NOBOX: variants seen among roughly 807,000 people sequenced by gnomAD.
NOBOX encodes the protein NOBOX oogenesis homeobox, also known as homeobox protein NOBOX.
Under a neutral mutation model 60.2 loss-of-function variants are expected in NOBOX, and 46 were observed. That is an observed-to-expected ratio of 0.76 (90% CI 0.60 to 0.98). NOBOX has a LOEUF of 0.98. NOBOX is among the 50% of genes least tolerant of loss of function. The pLI is 0.00. For missense variants in NOBOX, 880 were observed against 865.5 expected (o/e 1.02, Z -0.21); for synonymous variants, 360 against 346.3 (o/e 1.04, Z -0.44).
At chr7:144,397,639 C>G (rs1260120421) in intron 9 of NOBOX, 98 bp from the exon 8 acceptor site, 1 of 1,070,470 alleles carries the variant, frequency 9.3e-7, no homozygotes, top group African/African-American at 1.6e-5. Context: ...CCCCAACACA[C>G]ATAGACGCAG....
At chr7:144,399,887 G>A (rs766058103) in intron 5 of NOBOX, 24 bp from the exon 4 acceptor site, 14 of 1,577,878 alleles carry the variant, frequency 8.9e-6, no homozygotes, top group Middle Eastern at 1.7e-4. Context: ...GGTGCTTGAA[G>A]AACTGGAGAA....
chr7:144,398,617 G>T (rs1409413499), intron 8 of NOBOX, 31 bp from the exon 7 acceptor site: 9 of 1,487,262 alleles, frequency 6.1e-6, no homozygotes, highest in Non-Finnish European at 8.2e-6. Context: ...CTGGTGAGGT[G>T]CAGGGGTGGG....
At chr7:144,402,223 C>G (rs1223160484) in intron 2 of NOBOX, among the ~76,000 whole-genome samples, 1 of 150,792 alleles carries the variant, frequency 6.6e-6, no homozygotes, top group African/African-American at 2.5e-5. Flanking sequence ...ACTTCCTCCC[C>G]CTCCCTGCAA....
chr7:144,401,196 G>T lies in NOBOX; in HGVS notation c.694C>A (p.Pro232Thr). ...CCCCGGCCTGACCCACAGGGCACTG[G>T]GTTGTGTGTGGCACGGGCTGAGTTA... The change falls in exon 4 of 10, where the codon CCA (proline) becomes ACA (threonine). Residue 232 changes from proline (P) to threonine (T), a missense_variant. Transcript: ENST00000467773. This position sits in a 1 kb window ranked among gnomAD's most constrained non-coding sequence, Gnocchi z 4.2. 1 of 1,613,724 alleles carries T rather than the reference G, an allele frequency of 6.2e-7. No individual in the cohort carries two copies. Among genetic ancestry groups the T allele is most frequent in the Non-Finnish European group, 8.5e-7 (1 of 1,179,794 alleles).
In NOBOX at chr7:144,410,221, G is replaced by T; in HGVS notation, c.7C>A (p.Leu3Ile). The T allele has an allele frequency of 6.4e-7, 1 of 1,563,480 alleles. No homozygotes were observed. Among genetic ancestry groups the T allele is most frequent in the Non-Finnish European group, 8.7e-7 (1 of 1,152,516 alleles). Reference sequence around the variant, plus strand: ...TCTGGTGATGTTAGTGTCAAAAGGAGAGCCATGTCATGGCCAGCAGGTTCC... The same window carrying T: ...TCTGGTGATGTTAGTGTCAAAAGGATAGCCATGTCATGGCCAGCAGGTTCC... Residue 3 changes from leucine to isoleucine, a missense_variant, in exon 1 of 10, where the codon CTC (leucine) becomes ATC (isoleucine). Transcript: ENST00000467773.
At chr7:144,403,116 C>T (rs1587094345) in intron 2 of NOBOX, among the ~76,000 whole-genome samples, 2 of 152,132 alleles carry the variant, frequency 1.3e-5, no homozygotes, top group Admixed American at 6.5e-5. Context: ...GGTGCTGTTC[C>T]AAGTCCTTTC....
downstream of NOBOX, chr7:144,397,133 T>G (rs1212649994): frequency 1.1e-6 from 1 of 940,216 alleles, no homozygotes; most frequent in Non-Finnish European, 1.5e-6. Context: ...AACTCTCCCC[T>G]CAGTCTACAG....
intron 1 of NOBOX, among the ~76,000 whole-genome samples, chr7:144,409,711 A>T (rs1053620583): frequency 6.6e-6 from 1 of 152,232 alleles, no homozygotes; most frequent in Admixed American, 6.5e-5. Context: ...GGCTTTTAAA[A>T]AATAAAAACC....
intron 1 of NOBOX, among the ~76,000 whole-genome samples, chr7:144,405,655 C>T (rs1164703991): frequency 6.6e-6 from 1 of 152,164 alleles, no homozygotes; most frequent in Non-Finnish European, 1.5e-5. Context: ...GGATCCTCAG[C>T]TCCCCTGTGT....
At chr7:144,406,652 A>T (rs992121854) in intron 1 of NOBOX, among the ~76,000 whole-genome samples, 5 of 152,198 alleles carry the variant, frequency 3.3e-5, no homozygotes, top group African/African-American at 1.2e-4. Context: ...GTTTATTTAC[A>T]TGAAGAATTT....
chr7:144,407,956 A>ATT (rs2053997136), intron 1 of NOBOX, among the ~76,000 whole-genome samples: 1 of 152,166 alleles, frequency 6.6e-6, no homozygotes, highest in Non-Finnish European at 1.5e-5. Flanking sequence ...ATCCATTCTA[A>ATT]TTCTCCTGAT....
intron 1 of NOBOX, among the ~76,000 whole-genome samples, chr7:144,408,107 G>GCCA (rs926377238): frequency 4.6e-5 from 7 of 151,880 alleles, no homozygotes; most frequent in Admixed American, 3.3e-4. Flanking sequence ...TTCCTCTTTG[G>GCCA]CCACCACCAC....
chr7:144,399,339 G>A, intron 7 of NOBOX, 58 bp downstream of exon 5: 3 of 1,282,896 alleles, frequency 2.3e-6, no homozygotes, highest in Admixed American at 2.0e-5. Context: ...ATCAAACAAG[G>A]CCTGTCTTCA....
Position 144,401,624 on chromosome 7 carries a change from T to G in NOBOX, c.293-27A>C. 6.7e-7 allele frequency: 1 copy of G among 1,497,760 alleles called. No homozygotes were observed. Among genetic ancestry groups the G allele is most frequent in the South Asian group, 1.4e-5 (1 of 71,330 alleles). 92.8% of individuals were successfully genotyped at this position (1,497,760 alleles called of 1,614,324 possible). On this transcript the variant is annotated intron_variant, in intron 3 of 9. Coordinates refer to ENST00000467773, the MANE Select transcript of NOBOX (RefSeq NM_001080413.3). This position sits in a 1 kb window ranked among gnomAD's most constrained non-coding sequence, Gnocchi z 4.2. The stretch of plus-strand genomic sequence containing the variant: ...TGTGGGGAGCCAACATCCACTGACC[T>G]TAGCACCAGGGAGAAGGAAGAACTG...
chr7:144,404,479 C>T, intron 2 of NOBOX: 1 of 1,306,302 alleles, frequency 7.7e-7, no homozygotes, highest in South Asian at 1.3e-5. Flanking sequence ...GAACTCCTGA[C>T]TTCAAGTTAT....
intron 2 of NOBOX, among the ~76,000 whole-genome samples, chr7:144,404,389 A>G (rs1272450687): frequency 2.0e-5 from 3 of 151,722 alleles, no homozygotes; most frequent in Non-Finnish European, 4.4e-5. Flanking sequence ...CTGGGACTAC[A>G]GGCGCCCGCC....
At chr7:144,408,303 T>G (rs548203476) in intron 1 of NOBOX, among the ~76,000 whole-genome samples, 97 of 152,126 alleles carry the variant, frequency 6.4e-4, no homozygotes, top group Non-Finnish European at 1.1e-3. Flanking sequence ...ATATTCCCTT[T>G]CTGGGGAAGC....
chr7:144,404,370 C>G (rs1466983579), intron 2 of NOBOX, among the ~76,000 whole-genome samples: 1 of 151,996 alleles, frequency 6.6e-6, no homozygotes, highest in South Asian at 2.2e-4. Flanking sequence ...GCCTCAGCCT[C>G]GCGAGTAGCT....
intron 2 of NOBOX, among the ~76,000 whole-genome samples, chr7:144,403,967 C>T (rs1407277726): frequency 6.6e-6 from 1 of 152,098 alleles, no homozygotes; most frequent in Non-Finnish European, 1.5e-5. Context: ...TGCGGGTCTC[C>T]TTCAGGCGGC....
Sources: allele counts gnomAD v4.1 joint callset (sites outside exome capture counted in the v4.1 genomes callset), GRCh38; gene constraint gnomAD v4.1.1; non-coding constraint Gnocchi (gnomAD v3.1); transcripts MANE v1.5; gene names NCBI Gene and HGNC (gene_info 2026-07-23, HGNC 2026-07-21).